Variants in CSGALNACT1 observed in about 807,000 individuals in gnomAD.
CSGALNACT1 encodes chondroitin sulfate N-acetylgalactosaminyltransferase 1, also known as beta4GalNAcT-1.
CSGALNACT1 carries 52 observed loss-of-function variants against 51.0 expected under a neutral mutation model. The ratio of observed to expected loss-of-function variants is 1.02; its 90% confidence interval spans 0.82 to 1.29. CSGALNACT1 has a LOEUF of 1.29. Ranked by LOEUF, CSGALNACT1 falls within the 50% of genes most tolerant of loss-of-function variation. CSGALNACT1 has a pLI of 0.00. For missense variants in CSGALNACT1, 935 were observed against 679.2 expected (o/e 1.38, Z -4.19); for synonymous variants, 341 against 254.4 (o/e 1.34, Z -3.24).
intron 1 of CSGALNACT1, among the ~76,000 whole-genome samples, chr8:19,638,381 G>C (rs1305598311): frequency 1.3e-5 from 2 of 152,084 alleles, no homozygotes; most frequent in African/African-American, 4.8e-5. Flanking sequence ...ACACCCATCG[G>C]TGCCCACTTG....
chr8:19,694,631 G>A (rs1053809655), intron 1 of CSGALNACT1, among the ~76,000 whole-genome samples: 5 of 152,148 alleles, frequency 3.3e-5, no homozygotes, highest in African/African-American at 7.2e-5. Context: ...TAGTGCTCAC[G>A]AGGCCTTCTA....
chr8:19,629,463 A>G (rs1219421920), intron 1 of CSGALNACT1, among the ~76,000 whole-genome samples: 1 of 152,228 alleles, frequency 6.6e-6, no homozygotes, highest in Non-Finnish European at 1.5e-5. Flanking sequence ...TAGATATGGA[A>G]ACTAAGCTTC....
At chr8:19,704,044 G>A (rs1046425958) in intron 1 of CSGALNACT1, among the ~76,000 whole-genome samples, 1 of 152,110 alleles carries the variant, frequency 6.6e-6, no homozygotes, top group Non-Finnish European at 1.5e-5. Context: ...CACTGCACAT[G>A]GGAGATCTTA....
chr8:19,512,215 A>T (rs543315419), intron 3 of CSGALNACT1, among the ~76,000 whole-genome samples: 1 of 152,314 alleles, frequency 6.6e-6, no homozygotes, highest in Admixed American at 6.5e-5. Context: ...GGGCCCATGG[A>T]TGAGGAACTG....
chr8:19,608,108 C>T (rs12542189), intron 1 of CSGALNACT1, among the ~76,000 whole-genome samples: 88,711 of 152,040 alleles, frequency 0.58, 27,234 homozygotes, highest in South Asian at 0.71. Context: ...TGTCACCTCT[C>T]ATTGTGGCCT....
At chr8:19,516,038 C>T (rs181754509) in intron 3 of CSGALNACT1, among the ~76,000 whole-genome samples, 2 of 152,242 alleles carry the variant, frequency 1.3e-5, no homozygotes, top group East Asian at 1.9e-4. Context: ...ACCTGACTCC[C>T]GGAGTCTTTT....
chr8:19,525,430 C>T (rs1039808310), intron 3 of CSGALNACT1, among the ~76,000 whole-genome samples: 5 of 151,188 alleles, frequency 3.3e-5, no homozygotes, highest in Non-Finnish European at 7.4e-5. Flanking sequence ...ATGGTGAAGC[C>T]CCACCTCTAC....
At position 19,552,857 on chromosome 8, in the gene CSGALNACT1, C is replaced by G. The variant is rs181851537; in HGVS notation, c.-297+38303G>C. 2.3e-3 allele frequency among the ~76,000 whole-genome samples: 355 copies of G among 152,226 alleles called. 9 individuals carry two copies. In the South Asian group the frequency reaches 0.059, roughly 25 times the overall value. On this transcript the variant is annotated intron_variant, in intron 3 of 9. Transcript: ENST00000454498. ...TTTCCCATTCACCCTCCCAAGTGAA[C>G]TGCAAACAGGTACTCCTTCAAAAAC... is the stretch of plus-strand genomic sequence containing the variant.
chr8:19,433,658 C>T (rs1184259116), intron 6 of CSGALNACT1, among the ~76,000 whole-genome samples: 1 of 152,218 alleles, frequency 6.6e-6, no homozygotes, highest in Non-Finnish European at 1.5e-5. Context: ...AACCTCCGGA[C>T]AGTTCAAATA....
At chr8:19,719,259 T>G (rs1040270326) in intron 1 of CSGALNACT1, among the ~76,000 whole-genome samples, 3 of 152,236 alleles carry the variant, frequency 2.0e-5, no homozygotes, top group Non-Finnish European at 4.4e-5. Context: ...GCATGCATTT[T>G]TTTGGAAGGT....
intron 1 of CSGALNACT1, among the ~76,000 whole-genome samples, chr8:19,646,866 C>CA (rs2057326546): frequency 1.3e-5 from 2 of 152,150 alleles, no homozygotes; most frequent in Non-Finnish European, 2.9e-5. Context: ...GGATAAGAGA[C>CA]ACACCTCCTC....
intron 3 of CSGALNACT1, among the ~76,000 whole-genome samples, chr8:19,568,658 A>G (rs547733763): frequency 6.6e-6 from 1 of 152,330 alleles, no homozygotes; most frequent in South Asian, 2.1e-4. Context: ...GGCAATATAT[A>G]TAAAACTTCA....
At chr8:19,644,676 C>G in intron 1 of CSGALNACT1, among the ~76,000 whole-genome samples, 1 of 138,194 alleles carries the variant, frequency 7.2e-6, no homozygotes, top group South Asian at 2.3e-4. Flanking sequence ...TGCTACTGCA[C>G]TCCAGCCTGG....
intron 1 of CSGALNACT1, among the ~76,000 whole-genome samples, chr8:19,627,136 C>A (rs28840804): frequency 7.9e-5 from 12 of 152,114 alleles, no homozygotes; most frequent in African/African-American, 2.9e-4. Context: ...AGCCAAGAAA[C>A]TGACACCAAC....
At chr8:19,485,759 C>CTTTTTGTTTGTTTTTTTTTTTTTTTTT (rs2072737691) in intron 4 of CSGALNACT1, among the ~76,000 whole-genome samples, 1 of 38,520 alleles carries the variant, frequency 2.6e-5, no homozygotes, top group African/African-American at 1.0e-4. Flanking sequence ...CCTCAGCTTG[C>CTTTTTGTTTGTTTTTTTTTTTTTTTTT]TTTTTTTTTT....
exon 9 of CSGALNACT1, chr8:19,408,651 C>G: frequency 6.2e-7 from 1 of 1,613,770 alleles, no homozygotes. Flanking sequence ...ACACGTCATC[C>G]CAAATCCAAA....
At chr8:19,552,085 G>A (rs1345772031) in intron 3 of CSGALNACT1, among the ~76,000 whole-genome samples, 1 of 152,062 alleles carries the variant, frequency 6.6e-6, no homozygotes, top group African/African-American at 2.4e-5. Flanking sequence ...GATTTCAGAT[G>A]GGATAAAAAA....
intron 4 of CSGALNACT1, among the ~76,000 whole-genome samples, chr8:19,477,349 G>A (rs963081564): frequency 1.3e-5 from 2 of 152,094 alleles, no homozygotes; most frequent in East Asian, 3.9e-4. Flanking sequence ...TGGACAAATG[G>A]GTGGCTAAGA....
intron 2 of CSGALNACT1, among the ~76,000 whole-genome samples, chr8:19,592,650 A>C (rs2048078394): frequency 6.6e-6 from 1 of 152,166 alleles, no homozygotes; most frequent in African/African-American, 2.4e-5. Context: ...GCTACTTAGG[A>C]GGCTAGGGTG....
Sources: gnomAD v4.1 joint callset for allele counts (sites outside exome capture counted in the v4.1 genomes callset) on GRCh38, gnomAD v4.1.1 for gene constraint, MANE v1.5 for transcripts, NCBI Gene and HGNC (gene_info 2026-07-23, HGNC 2026-07-21) for gene names.